Variants in PTPN13 observed in about 807,000 individuals in gnomAD.
The protein encoded by PTPN13 is tyrosine-protein phosphatase non-receptor type 13.
In PTPN13, 191 loss-of-function variants were observed where a neutral mutation model predicts 284.0. The observed-to-expected ratio is 0.67, with a 90% CI of 0.60 to 0.76. The LOEUF (loss-of-function observed/expected upper bound fraction) is 0.76, where lower values mean the gene tolerates loss of function less well. Among genes scored for constraint, PTPN13 ranks in the 30% least tolerant of loss-of-function variants. The probability of loss-of-function intolerance (pLI) is 0.00; values close to 1 mark genes in which losing one functional copy is unlikely to be tolerated. For missense variants in PTPN13, 2,797 were observed against 2,939.9 expected (o/e 0.95, Z 1.12); for synonymous variants, 986 against 1,022.3 (o/e 0.96, Z 0.68).
intron 23 of PTPN13, among the ~76,000 whole-genome samples, chr4:86,761,007 TA>T (rs1738602578): frequency 6.6e-6 from 1 of 151,474 alleles, no homozygotes; most frequent in Non-Finnish European, 1.5e-5. Context: ...TTATTAAAAA[TA>T]AATCCAATTT....
intron 4 of PTPN13, among the ~76,000 whole-genome samples, chr4:86,686,981 C>A (rs1729530709): frequency 6.6e-6 from 1 of 152,020 alleles, no homozygotes. Flanking sequence ...TAAGGTATTC[C>A]TAGAATTGTA....
intron 42 of PTPN13, 142 bp downstream of exon 42, chr4:86,799,346 CAG>C (rs1743724796): frequency 4.0e-6 from 2 of 494,220 alleles, no homozygotes; most frequent in Non-Finnish European, 6.7e-6. Flanking sequence ...TTTTTTGAGA[CAG>C]AGGCTGGGAG....
intron 40 of PTPN13, among the ~76,000 whole-genome samples, chr4:86,790,478 T>C (rs977452191): frequency 6.6e-6 from 1 of 151,982 alleles, no homozygotes; most frequent in African/African-American, 2.4e-5. Context: ...AACACACAAA[T>C]AGATATGTAA....
chr4:86,802,146 A>AGT (rs55759778), intron 42 of PTPN13, among the ~76,000 whole-genome samples: 11,636 of 135,058 alleles, frequency 0.086, 514 homozygotes, highest in African/African-American at 0.14. Context: ...TCAAGATTTT[A>AGT]GTGTGTGTGT....
At chr4:86,742,161 T>C (rs1162733393) in intron 16 of PTPN13, among the ~76,000 whole-genome samples, 2 of 152,226 alleles carry the variant, frequency 1.3e-5, no homozygotes, top group Non-Finnish European at 2.9e-5. Context: ...TTAAGAAAGA[T>C]AGTTATCTTA....
At chr4:86,742,414 A>T (rs1253713978) in intron 16 of PTPN13, among the ~76,000 whole-genome samples, 1 of 152,230 alleles carries the variant, frequency 6.6e-6, no homozygotes, top group Non-Finnish European at 1.5e-5. Context: ...ACACCTGAAC[A>T]TTAAAGTTCC....
At position 86,763,122 on chromosome 4, in the gene PTPN13, G is replaced by T; in HGVS notation, c.3949G>T (p.Asp1317Tyr). 1 of 1,613,140 alleles carries T rather than the reference G, an allele frequency of 6.2e-7. No individual in the cohort carries two copies. The change falls in exon 24 of 48, where the codon GAC becomes TAC. Residue 1317 changes from aspartate to tyrosine, a missense_variant. Transcript: ENST00000411767. Reference sequence around the variant, plus strand: ...CATTTCTGATGTAACTGATTACTCAGACCGTGGAGATTCAGACATGGATGA... The same window carrying T: ...CATTTCTGATGTAACTGATTACTCATACCGTGGAGATTCAGACATGGATGA... ...PGISDVTDYS[D>Y]RGDSDMDEAT...
At chr4:86,733,070 T>A (rs1025696448) in intron 12 of PTPN13, among the ~76,000 whole-genome samples, 3 of 152,116 alleles carry the variant, frequency 2.0e-5, no homozygotes, top group Non-Finnish European at 4.4e-5. Flanking sequence ...ATGTGTACTC[T>A]AGAAATTAGT....
intron 41 of PTPN13, among the ~76,000 whole-genome samples, chr4:86,797,211 C>CCCA (rs1743442548): frequency 6.6e-6 from 1 of 151,454 alleles, no homozygotes; most frequent in African/African-American, 2.4e-5. Flanking sequence ...AATACAAGAA[C>CCCA]CCAGGCATGG....
chr4:86,750,659 A>C lies in PTPN13; in HGVS notation c.2840A>C (p.Gln947Pro). The C allele has an allele frequency of 6.2e-7, 1 of 1,614,006 alleles. No homozygotes were observed. Among genetic ancestry groups the C allele is most frequent in the Non-Finnish European group, 8.5e-7 (1 of 1,179,886 alleles). ...CSELSLYQPL[Q>P]NSSKEKNDKA... ...GAGCTGTCGCTTTACCAGCCATTGC[A>C]AAACAGTTCAAAAGAGAAGAATGAC... Residue 947 changes from glutamine to proline, a missense_variant, in exon 18 of 48, where the codon CAA becomes CCA. Transcript: ENST00000411767.
intron 15 of PTPN13, among the ~76,000 whole-genome samples, chr4:86,739,689 T>A (rs1429111843): frequency 6.6e-6 from 1 of 152,110 alleles, no homozygotes; most frequent in East Asian, 1.9e-4. Flanking sequence ...TTCTCCAAAG[T>A]CTTAATTCAT....
At chr4:86,615,710 A>G (rs1021333868) in intron 1 of PTPN13, among the ~76,000 whole-genome samples, 7 of 152,160 alleles carry the variant, frequency 4.6e-5, no homozygotes, top group African/African-American at 1.7e-4. Flanking sequence ...CTATATTATT[A>G]GAAGGTACAT....
intron 16 of PTPN13, among the ~76,000 whole-genome samples, 157 bp from the exon 17 acceptor site, chr4:86,744,809 T>C (rs901456985): frequency 7.9e-5 from 12 of 152,212 alleles, no homozygotes; most frequent in Non-Finnish European, 1.3e-4. Context: ...AATCGCCTCA[T>C]GATGTATTTC....
chr4:86,658,326 A>C (rs757656459), intron 2 of PTPN13, among the ~76,000 whole-genome samples: 2 of 152,224 alleles, frequency 1.3e-5, no homozygotes, highest in Non-Finnish European at 2.9e-5. Flanking sequence ...GGATTGCTGT[A>C]GTCAATGCAA....
At chr4:86,715,890 A>G (rs188090614) in intron 7 of PTPN13, among the ~76,000 whole-genome samples, 141 of 152,330 alleles carry the variant, frequency 9.3e-4, no homozygotes, top group Non-Finnish European at 1.6e-3. Context: ...CTTAGAAGGT[A>G]GGATTTAGAT....
intron 35 of PTPN13, among the ~76,000 whole-genome samples, chr4:86,776,458 C>T (rs979669732): frequency 6.6e-6 from 1 of 152,188 alleles, no homozygotes; most frequent in Non-Finnish European, 1.5e-5. Context: ...GAAATCTCAC[C>T]AATCACTACT....
chr4:86,685,042 ACT>A (rs1053604068), intron 3 of PTPN13, among the ~76,000 whole-genome samples: 1 of 151,834 alleles, frequency 6.6e-6, no homozygotes, highest in Non-Finnish European at 1.5e-5. Flanking sequence ...TATAAATCCA[ACT>A]CCTCCATTTG....
At chr4:86,737,728 A>G (rs1378443260) in intron 15 of PTPN13, among the ~76,000 whole-genome samples, 1 of 151,956 alleles carries the variant, frequency 6.6e-6, no homozygotes, top group Non-Finnish European at 1.5e-5. Flanking sequence ...TTCACTTAGA[A>G]TAATACTTTT....
In PTPN13 at chr4:86,684,154, C is replaced by G. The variant is rs535714175; in HGVS notation, c.295-2556C>G. Among the ~76,000 whole-genome samples the G allele has an allele frequency of 6.7e-5, 10 of 150,328 alleles. No homozygotes were observed. In the South Asian group the frequency reaches 1.9e-3, roughly 28 times the overall value. On this transcript the variant is annotated intron_variant, in intron 3 of 47. Coordinates refer to ENST00000411767, the MANE Select transcript of PTPN13 (RefSeq NM_080683.3). ...GGAGGACAAACAAGGACTCATCTAA[C>G]TATACAACAAGGTAATAGTTAACTA...
Sources: allele counts gnomAD v4.1 joint callset (sites outside exome capture counted in the v4.1 genomes callset), GRCh38; gene constraint gnomAD v4.1.1; transcripts MANE v1.5; gene names NCBI Gene and HGNC (gene_info 2026-07-23, HGNC 2026-07-21).